Variants in COP1 observed in about 807,000 individuals in gnomAD.
The protein encoded by COP1 is COP1 E3 ubiquitin ligase, also known as E3 ubiquitin-protein ligase COP1.
A neutral mutation model predicts 101.3 loss-of-function variants in COP1; 24 were observed. The observed-to-expected ratio is 0.24, with a 90% CI of 0.17 to 0.33. COP1 has a LOEUF of 0.33. Ranked by LOEUF, COP1 falls within the 10% of genes least tolerant of loss-of-function variation. COP1 has a pLI of 1.00. For synonymous variants in COP1, 347 were observed against 341.9 expected, an observed-to-expected ratio of 1.01 and a Z score of -0.17; for missense variants, 663 against 906.2, an observed-to-expected ratio of 0.73 and a Z score of 3.45.
intron 8 of COP1, among the ~76,000 whole-genome samples, chr1:176,117,817 C>A (rs1220781694): frequency 2.0e-5 from 3 of 152,112 alleles, no homozygotes; most frequent in Admixed American, 2.0e-4. Flanking sequence ...ATCACTTGAA[C>A]TTGTGAGACG....
intron 9 of COP1, among the ~76,000 whole-genome samples, chr1:176,089,311 C>CAACAACAACAA (rs1680853625): frequency 1.3e-5 from 2 of 151,546 alleles, no homozygotes; most frequent in Non-Finnish European, 2.9e-5. Context: ...ACAACAACAA[C>CAACAACAACAA]AACAACAACA....
intron 1 of COP1, among the ~76,000 whole-genome samples, chr1:176,194,516 T>C (rs1379538688): frequency 3.3e-5 from 5 of 152,032 alleles, no homozygotes; most frequent in African/African-American, 1.2e-4. Flanking sequence ...CATGAGCCTA[T>C]AATCCCAGCT....
At chr1:176,199,919 T>C (rs1700099626) in intron 1 of COP1, among the ~76,000 whole-genome samples, 1 of 152,222 alleles carries the variant, frequency 6.6e-6, no homozygotes, top group Non-Finnish European at 1.5e-5. Flanking sequence ...TTTATGCAAA[T>C]TATAACTTAG....
rs34291468 is a variant in COP1, at chr1:176,165,361, CGTGTGTGTGT to C, written c.566-1480_566-1471del. On this transcript the variant is annotated intron_variant, in intron 3 of 19. Coordinates refer to ENST00000367669, the MANE Select transcript of COP1 (RefSeq NM_022457.7). ...GTGAGAGAGAGAGAGAGATGTGTGT[CGTGTGTGTGT>C]GTGTGTGTGTGTGTGTGTGTGTGTG... is the stretch of plus-strand genomic sequence containing the variant. 3.8e-3 allele frequency among the ~76,000 whole-genome samples: 505 copies of C among 132,140 alleles called. 11 individuals are homozygous for C. In the East Asian group the frequency reaches 0.056, roughly 15 times the overall value. The allele number at this position is 132,140 out of a possible 152,430, so 86.7% of individuals were successfully genotyped here. A position where few individuals can be genotyped will look rare whatever the true frequency, so the allele number is the denominator to read the frequency against.
intron 14 of COP1, among the ~76,000 whole-genome samples, chr1:176,032,924 C>T (rs963712101): frequency 6.6e-6 from 1 of 152,054 alleles, no homozygotes; most frequent in African/African-American, 2.4e-5. Flanking sequence ...AAAGCTTTAA[C>T]TTATAGGAAA....
At position 176,141,960 on chromosome 1, in the gene COP1, C is replaced by T. The variant is rs529620072; in HGVS notation, c.832-5413G>A. On this transcript the variant is annotated intron_variant, in intron 6 of 19. Transcript: ENST00000367669. ...TATTGTCCAGGCTGGTCTTGAACTC[C>T]TGGCCCTCAAATGATCCTCCTACCT... Among the ~76,000 whole-genome samples, 11 of 152,102 alleles carry T rather than the reference C, an allele frequency of 7.2e-5. No homozygotes were observed. In the South Asian group the frequency reaches 2.3e-3, roughly 32 times the overall value.
intron 9 of COP1, among the ~76,000 whole-genome samples, chr1:176,103,057 ACT>A: frequency 6.6e-6 from 1 of 152,128 alleles, no homozygotes; most frequent in East Asian, 1.9e-4. Flanking sequence ...TGCATGAATT[ACT>A]CTTTCTCTAT....
At chr1:176,112,743 C>T (rs1685513350) in intron 9 of COP1, among the ~76,000 whole-genome samples, 1 of 152,152 alleles carries the variant, frequency 6.6e-6, no homozygotes, top group Non-Finnish European at 1.5e-5. Context: ...CTACTACCTC[C>T]ATTCCACTCT....
chr1:176,173,272 T>C (rs567615751), intron 3 of COP1, among the ~76,000 whole-genome samples: 107 of 140,914 alleles, frequency 7.6e-4, no homozygotes, highest in Non-Finnish European at 1.1e-3. Context: ...GATCATGCCA[T>C]TGCACTCCAG....
At chr1:176,153,496 T>C (rs920358298) in intron 5 of COP1, among the ~76,000 whole-genome samples, 1 of 152,236 alleles carries the variant, frequency 6.6e-6, no homozygotes, top group African/African-American at 2.4e-5. Flanking sequence ...CGGCTGAGAC[T>C]ATGGGATTTT....
chr1:176,029,677 C>T (rs1394240151), intron 14 of COP1, among the ~76,000 whole-genome samples: 1 of 152,052 alleles, frequency 6.6e-6, no homozygotes. Flanking sequence ...GGGTTGGAAA[C>T]CAGTATTGGG....
At chr1:176,063,047 G>GTTTTTTTTTTTTTTTTTTTT (rs34464104) in intron 11 of COP1, among the ~76,000 whole-genome samples, 2 of 90,590 alleles carry the variant, frequency 2.2e-5, no homozygotes, top group African/African-American at 4.4e-5. Context: ...TTTTGAAAAT[G>GTTTTTTTTTTTTTTTTTTTT]TTTTTTTTTT....
chr1:175,968,012 C>T (rs1052369612), intron 18 of COP1, among the ~76,000 whole-genome samples: 9 of 152,038 alleles, frequency 5.9e-5, no homozygotes, highest in South Asian at 2.1e-4. Flanking sequence ...GGATTACAGG[C>T]GCCTGCCAAC....
At chr1:176,110,430 T>C (rs151321930) in intron 9 of COP1, among the ~76,000 whole-genome samples, 1 of 152,320 alleles carries the variant, frequency 6.6e-6, no homozygotes. Context: ...CAGGGATTAT[T>C]TACTTCTTGT....
chr1:176,035,266 A>T (rs529507077), intron 14 of COP1, among the ~76,000 whole-genome samples: 21 of 132,786 alleles, frequency 1.6e-4, no homozygotes, highest in Admixed American at 1.1e-3. Context: ...TTTTTTTTTT[A>T]AAAAGAATCA....
At chr1:176,039,404 G>C (rs531012814) in intron 14 of COP1, among the ~76,000 whole-genome samples, 17 of 151,336 alleles carry the variant, frequency 1.1e-4, no homozygotes, top group African/African-American at 3.9e-4. Flanking sequence ...AGGAAAATAA[G>C]AGCAAGTTAA....
intron 2 of COP1, 86 bp from the exon 3 acceptor site, chr1:176,176,093 T>A (rs1696894410): frequency 5.9e-6 from 4 of 674,834 alleles, no homozygotes; most frequent in Non-Finnish European, 1.0e-5. Flanking sequence ...ATTAGTCTTC[T>A]ATTCCTCATT....
chr1:175,947,224 T>C lies in COP1; in HGVS notation c.2149A>G (p.Ile717Val), dbSNP rs1649286981. The part of the protein sequence containing the change: ...ALPDGESNVL[I>V]AANSQGTIKV... ...ATTGTACCCTGACTGTTAGCAGCAA[T>C]CAGCACATTGGACTCCTAGAAAAGA... Residue 717 changes from isoleucine to valine, a missense_variant, in exon 19 of 20, where the codon ATT (isoleucine) becomes GTT (valine). Coordinates refer to ENST00000367669, the MANE Select transcript of COP1 (RefSeq NM_022457.7). The C allele has an allele frequency of 5.0e-6, 8 of 1,610,130 alleles. No individual in the cohort carries two copies. The highest frequency in any genetic ancestry group is 5.9e-6 in the Non-Finnish European group (7 of 1,176,504).
chr1:176,007,702 C>T (rs540480664), intron 15 of COP1, among the ~76,000 whole-genome samples: 26 of 152,238 alleles, frequency 1.7e-4, no homozygotes, highest in African/African-American at 6.0e-4. Flanking sequence ...TCTGCCTGTT[C>T]TCAGATCTCC....
Sources: gnomAD v4.1 joint callset for allele counts (sites outside exome capture counted in the v4.1 genomes callset) on GRCh38, gnomAD v4.1.1 for gene constraint, MANE v1.5 for transcripts, NCBI Gene and HGNC (gene_info 2026-07-23, HGNC 2026-07-21) for gene names.